The following MCC variants were observed in gnomAD, a reference collection of about 807,000 sequenced individuals.
MCC encodes colorectal mutant cancer protein.
MCC carries 90 observed loss-of-function variants against 116.2 expected under a neutral mutation model. The ratio of observed to expected loss-of-function variants is 0.77; its 90% CI spans 0.65 to 0.92. The LOEUF (loss-of-function observed/expected upper bound fraction) is 0.92. Ranked by LOEUF, MCC falls within the 40% of genes least tolerant of loss-of-function variation. The probability of loss-of-function intolerance (pLI) is 0.00; values close to 1 mark genes in which losing one functional copy is unlikely to be tolerated. For missense variants in MCC, 1,516 were observed against 1,312.2 expected, an observed-to-expected ratio of 1.16 and a Z score of -2.40; for synonymous variants, 578 against 510.5, an observed-to-expected ratio of 1.13 and a Z score of -1.78.
intron 3 of MCC, among the ~76,000 whole-genome samples, chr5:113,310,323 A>C (rs1283888130): frequency 6.6e-6 from 1 of 152,206 alleles, no homozygotes; most frequent in Non-Finnish European, 1.5e-5. Context: ...TCCAGAGGAG[A>C]TAGCAACAGG....
At chr5:113,108,860 C>T (rs1408955970) in intron 6 of MCC, among the ~76,000 whole-genome samples, 2 of 152,164 alleles carry the variant, frequency 1.3e-5, no homozygotes, top group South Asian at 2.1e-4. Flanking sequence ...CCCACAAACT[C>T]CAGTTTGTGC....
intron 3 of MCC, among the ~76,000 whole-genome samples, chr5:113,251,263 C>T (rs1046449080): frequency 2.6e-5 from 4 of 152,190 alleles, no homozygotes; most frequent in African/African-American, 9.7e-5. Context: ...TCTTCCATAA[C>T]TTTAATTAGC....
At chr5:113,150,484 C>T (rs1315026260) in intron 4 of MCC, among the ~76,000 whole-genome samples, 1 of 151,722 alleles carries the variant, frequency 6.6e-6, no homozygotes, top group Admixed American at 6.6e-5. Flanking sequence ...AACTAAAAGA[C>T]ATGAGACAGA....
intron 1 of MCC, among the ~76,000 whole-genome samples, chr5:113,428,199 C>A (rs2150409709): frequency 6.6e-6 from 1 of 152,244 alleles, no homozygotes; most frequent in Non-Finnish European, 1.5e-5. Flanking sequence ...ACCTCTAGTA[C>A]AAGGATGATC....
chr5:113,165,884 A>G (rs1287626312), intron 3 of MCC, among the ~76,000 whole-genome samples: 3 of 150,006 alleles, frequency 2.0e-5, no homozygotes, highest in Non-Finnish European at 3.0e-5. Context: ...CTTTCATCAT[A>G]TATTTTTGGG....
At chr5:113,468,341 T>A (rs1298636381) in intron 1 of MCC, among the ~76,000 whole-genome samples, 3 of 152,158 alleles carry the variant, frequency 2.0e-5, no homozygotes, top group Non-Finnish European at 2.9e-5. Context: ...CTCTTATTAT[T>A]TTGAGATACA....
chr5:113,195,696 G>C (rs1207996797), intron 3 of MCC, among the ~76,000 whole-genome samples: 1 of 152,174 alleles, frequency 6.6e-6, no homozygotes, highest in East Asian at 1.9e-4. Flanking sequence ...AGGTCAGTAA[G>C]CCATCTCTGG....
intron 1 of MCC, among the ~76,000 whole-genome samples, chr5:113,431,692 G>A (rs576070499): frequency 8.4e-5 from 12 of 142,542 alleles, no homozygotes; most frequent in Non-Finnish European, 1.7e-4. Flanking sequence ...CCTTGAGGCT[G>A]TAGTTTAAAA....
chr5:113,373,738 T>C lies in MCC; in HGVS notation c.415+11230A>G, dbSNP rs183313304. Among the ~76,000 whole-genome samples the C allele has an allele frequency of 5.9e-5, 9 of 152,366 alleles. No homozygotes were observed. The East Asian group carries it at 1.5e-3, about 26-fold the overall frequency. ...GTTAGTTTTAAAGCTGTGAAATATATAAAGGATACTGTCATGTAATATCCT... is the reference window on the plus strand; with the variant it reads ...GTTAGTTTTAAAGCTGTGAAATATACAAAGGATACTGTCATGTAATATCCT... On this transcript the variant is annotated intron_variant, in intron 2 of 18. Transcript: ENST00000408903.
Position 113,434,928 on chromosome 5 carries a change from G to C in MCC, c.171-49716C>G. ...AGTGTGCTCATTTACATCCTGGATA[G>C]AGAGTCCTTTGGGCTGGCCAGGCCT... is the stretch of plus-strand genomic sequence containing the variant. On this transcript the variant is annotated intron_variant, in intron 1 of 18. Coordinates refer to ENST00000408903, the MANE Select transcript of MCC (RefSeq NM_001085377.2). This position sits in a 1 kb window ranked among gnomAD's most constrained non-coding sequence, Gnocchi z 4.2. 5 of 1,496,216 alleles carry C rather than the reference G, an allele frequency of 3.3e-6. No individual in the cohort carries two copies. Among genetic ancestry groups the C allele is most frequent in the Non-Finnish European group, 4.5e-6 (5 of 1,114,732 alleles). 92.7% of individuals were successfully genotyped at this position (1,496,216 alleles called of 1,614,324 possible).
At chr5:113,155,176 A>C (rs1255320755) in intron 3 of MCC, among the ~76,000 whole-genome samples, 3 of 151,886 alleles carry the variant, frequency 2.0e-5, no homozygotes, top group Non-Finnish European at 1.5e-5. Context: ...TAACATAATG[A>C]CCTCCAGTTC....
intron 1 of MCC, among the ~76,000 whole-genome samples, chr5:113,432,320 CAAAAAAAAAAAAAA>C (rs66577040): frequency 1.5e-5 from 1 of 68,612 alleles, no homozygotes. Flanking sequence ...GACTCTGTCT[CAAAAAAAAAAAAAA>C]AAAAAAAAAG....
At chr5:113,482,547 T>G (rs188335087) in intron 1 of MCC, among the ~76,000 whole-genome samples, 1 of 152,342 alleles carries the variant, frequency 6.6e-6, no homozygotes, top group East Asian at 1.9e-4. Flanking sequence ...ATTGGCTATG[T>G]GTATGTCTTC....
At chr5:113,143,080 GA>G (rs1364508259) in intron 5 of MCC, 137 bp downstream of exon 5, 1 of 940,370 alleles carries the variant, frequency 1.1e-6, no homozygotes, top group Non-Finnish European at 1.5e-6. Flanking sequence ...TAGATACAAA[GA>G]AAACATCATT....
At chr5:113,074,592 G>C (rs1754284840) in intron 11 of MCC, among the ~76,000 whole-genome samples, 1 of 152,156 alleles carries the variant, frequency 6.6e-6, no homozygotes, top group African/African-American at 2.4e-5. Context: ...ACTTCTCCAA[G>C]CTAAAGGAGG....
chr5:113,395,082 T>C (rs1332689485), intron 1 of MCC, among the ~76,000 whole-genome samples: 1 of 152,206 alleles, frequency 6.6e-6, no homozygotes, highest in Non-Finnish European at 1.5e-5. Flanking sequence ...TCATTCCTTG[T>C]TCATTATCTT....
At chr5:113,443,383 A>G (rs1771106891) in intron 1 of MCC, among the ~76,000 whole-genome samples, 1 of 152,206 alleles carries the variant, frequency 6.6e-6, no homozygotes, top group Non-Finnish European at 1.5e-5. Flanking sequence ...TTATCAGCTT[A>G]AGGAGATTTT....
At chr5:113,342,404 G>A (rs1561531279) in intron 2 of MCC, among the ~76,000 whole-genome samples, 1 of 152,124 alleles carries the variant, frequency 6.6e-6, no homozygotes, top group Non-Finnish European at 1.5e-5. Context: ...GTTCTTTAAG[G>A]AACTTCCATT....
intron 5 of MCC, among the ~76,000 whole-genome samples, chr5:113,123,301 C>T (rs1248245222): frequency 2.0e-5 from 3 of 152,212 alleles, no homozygotes; most frequent in Non-Finnish European, 4.4e-5. Context: ...ATTGGGAAAC[C>T]AGCACCTCAT....
Sources: gnomAD v4.1 joint callset for allele counts (sites outside exome capture counted in the v4.1 genomes callset) on GRCh38, gnomAD v4.1.1 for gene constraint, Gnocchi (gnomAD v3.1) non-coding constraint, MANE v1.5 for transcripts, NCBI Gene and HGNC (gene_info 2026-07-23, HGNC 2026-07-21) for gene names.